Variants in ARMH3 observed in about 807,000 individuals in gnomAD.
The protein encoded by ARMH3 is armadillo-like helical domain-containing protein 3.
ARMH3 carries 60 observed loss-of-function variants against 99.1 expected under a neutral mutation model. That is an observed-to-expected ratio of 0.61 (90% confidence interval 0.49 to 0.75). ARMH3 has a LOEUF of 0.75. Among genes scored for constraint, ARMH3 ranks in the 30% least tolerant of loss-of-function variants. ARMH3 has a pLI of 0.00. For synonymous variants in ARMH3, 285 were observed against 292.8 expected, an observed-to-expected ratio of 0.97 and a Z score of 0.27; for missense variants, 679 against 843.1, an observed-to-expected ratio of 0.81 and a Z score of 2.41.
chr10:101,996,618 G>T (rs890576264), intron 15 of ARMH3, among the ~76,000 whole-genome samples: 1 of 151,942 alleles, frequency 6.6e-6, no homozygotes, highest in Non-Finnish European at 1.5e-5. Flanking sequence ...AAACTGATAC[G>T]CAACTCCCAC....
intron 24 of ARMH3, among the ~76,000 whole-genome samples, chr10:101,872,900 G>C (rs772642669): frequency 2.0e-4 from 30 of 151,810 alleles, no homozygotes; most frequent in Non-Finnish European, 4.0e-4. Context: ...GAAGATTGCA[G>C]CGAGCCGAGA....
chr10:102,046,423 C>T (rs1224800305), intron 1 of ARMH3, among the ~76,000 whole-genome samples: 10 of 151,930 alleles, frequency 6.6e-5, no homozygotes, highest in Non-Finnish European at 8.8e-5. Flanking sequence ...GAGGCCGAGG[C>T]GGGCAGATCA....
At chr10:101,979,596 T>C (rs969514531) in intron 19 of ARMH3, among the ~76,000 whole-genome samples, 2 of 152,194 alleles carry the variant, frequency 1.3e-5, no homozygotes, top group Non-Finnish European at 2.9e-5. Flanking sequence ...GTTGCACAAC[T>C]CTGTGAATAT....
At chr10:101,890,964 T>C (rs1167318782) in intron 23 of ARMH3, among the ~76,000 whole-genome samples, 3 of 149,822 alleles carry the variant, frequency 2.0e-5, no homozygotes, top group African/African-American at 7.4e-5. Flanking sequence ...AGCCTCCATC[T>C]CCTTGGCTCA....
intron 20 of ARMH3, among the ~76,000 whole-genome samples, chr10:101,964,784 T>C (rs935916242): frequency 6.8e-6 from 1 of 147,582 alleles, no homozygotes; most frequent in African/African-American, 2.5e-5. Context: ...CCAAGGAAGG[T>C]GGATTACCTG....
chr10:101,911,279 TCTCTG>T (rs1317581093), intron 23 of ARMH3, among the ~76,000 whole-genome samples: 1 of 152,172 alleles, frequency 6.6e-6, no homozygotes, highest in Admixed American at 6.5e-5. Flanking sequence ...AGGCTGCAAT[TCTCTG>T]CTCTGCTGTC....
At chr10:101,930,498 C>T (rs999277635) in intron 23 of ARMH3, among the ~76,000 whole-genome samples, 1 of 152,010 alleles carries the variant, frequency 6.6e-6, no homozygotes, top group African/African-American at 2.4e-5. Flanking sequence ...TGGTTAATAG[C>T]CTCTCAGGTA....
chr10:101,969,559 T>C (rs758523698), intron 20 of ARMH3, among the ~76,000 whole-genome samples: 3 of 152,246 alleles, frequency 2.0e-5, no homozygotes, highest in Non-Finnish European at 4.4e-5. Flanking sequence ...CATAGGCCTC[T>C]GCCAGTAATA....
chr10:101,863,061 G>C (rs1042324001), intron 24 of ARMH3, among the ~76,000 whole-genome samples: 3 of 152,150 alleles, frequency 2.0e-5, no homozygotes, highest in African/African-American at 7.2e-5. Flanking sequence ...AAATTAGCCT[G>C]GCATGGTGGC....
At position 101,864,084 on chromosome 10, in the gene ARMH3, C is replaced by A. The variant is rs1460525899; in HGVS notation, c.1861-14192G>T. ...TCAAAAAAAAAAAAAAAAAAACACA[C>A]ACACACACACACACACACACACAAA... On this transcript the variant is annotated intron_variant, in intron 24 of 25. Coordinates refer to ENST00000370033, the MANE Select transcript of ARMH3 (RefSeq NM_024541.3). 6.0e-4 allele frequency among the ~76,000 whole-genome samples: 85 copies of A among 142,580 alleles called. 1 individual carries two copies. The highest frequency in any genetic ancestry group is 2.2e-3 in the African/African-American group (80 of 35,628). 93.5% of individuals were successfully genotyped at this position (142,580 alleles called of 152,430 possible).
chr10:101,968,040 C>T (rs1845611112), intron 20 of ARMH3, among the ~76,000 whole-genome samples: 1 of 151,032 alleles, frequency 6.6e-6, no homozygotes. Flanking sequence ...TGTGTATCTG[C>T]TAAAAAAAAA....
chr10:102,009,488 TG>T (rs1439924296), intron 12 of ARMH3, 39 bp from the exon 13 acceptor site: 3 of 1,513,732 alleles, frequency 2.0e-6, no homozygotes, highest in South Asian at 1.1e-5. Flanking sequence ...GTTTTTATAG[TG>T]GGGGGAGTTA....
chr10:101,889,558 G>C, intron 23 of ARMH3, 68 bp from the exon 24 acceptor site: 1 of 1,396,978 alleles, frequency 7.2e-7, no homozygotes, highest in Non-Finnish European at 1.0e-6. Flanking sequence ...TAAAAAATAA[G>C]GATCAAGTAC....
At chr10:102,044,275 C>G (rs2067492410) in intron 1 of ARMH3, among the ~76,000 whole-genome samples, 1 of 151,726 alleles carries the variant, frequency 6.6e-6, no homozygotes, top group Non-Finnish European at 1.5e-5. Context: ...CGGAGTTTCA[C>G]CATGTTAGCC....
intron 8 of ARMH3, among the ~76,000 whole-genome samples, chr10:102,021,563 T>C (rs577887198): frequency 3.4e-4 from 51 of 151,966 alleles, no homozygotes; most frequent in African/African-American, 1.2e-3. Context: ...TTTTTTTTTT[T>C]TTGAGACGGA....
intron 19 of ARMH3, among the ~76,000 whole-genome samples, chr10:101,986,430 C>T (rs1357277205): frequency 6.6e-6 from 1 of 151,956 alleles, no homozygotes; most frequent in East Asian, 1.9e-4. Flanking sequence ...CTCTTAACTG[C>T]TCCAGGCAAG....
In ARMH3 at chr10:101,876,311, T is replaced by C. The variant is rs34442778; in HGVS notation, c.1860+13101A>G. ...CTTGTTGCATGCAGGGCACTCTCCC[T>C]AGCTCCAACCAAGAGGCTGACATCT... On this transcript the variant is annotated intron_variant, in intron 24 of 25. Coordinates refer to ENST00000370033, the MANE Select transcript of ARMH3 (RefSeq NM_024541.3). Among the ~76,000 whole-genome samples the C allele has an allele frequency of 4.2e-3, 631 of 148,644 alleles. 5 individuals are homozygous for C. The highest frequency in any genetic ancestry group is 6.0e-3 in the Non-Finnish European group (406 of 67,274).
At chr10:101,979,829 T>A (rs1846153500) in intron 19 of ARMH3, among the ~76,000 whole-genome samples, 1 of 152,200 alleles carries the variant, frequency 6.6e-6, no homozygotes, top group African/African-American at 2.4e-5. Context: ...TTTGAGAGGA[T>A]TAGCTTTTAT....
At chr10:101,895,118 G>A (rs913366087) in intron 23 of ARMH3, among the ~76,000 whole-genome samples, 6 of 152,012 alleles carry the variant, frequency 3.9e-5, no homozygotes, top group Non-Finnish European at 8.8e-5. Context: ...AGGTGGCAAG[G>A]CAATTAAATA....
Sources: gnomAD v4.1 joint callset for allele counts (sites outside exome capture counted in the v4.1 genomes callset) on GRCh38, gnomAD v4.1.1 for gene constraint, MANE v1.5 for transcripts, NCBI Gene and HGNC (gene_info 2026-07-23, HGNC 2026-07-21) for gene names.